ATP9A: variants seen among roughly 807,000 people sequenced by gnomAD.
ATP9A encodes probable phospholipid-transporting ATPase IIA.
ATP9A carries 52 observed loss-of-function variants against 144.1 expected under a neutral mutation model. That is an observed-to-expected ratio of 0.36 (90% CI 0.29 to 0.45). The LOEUF is 0.45. Among genes scored for constraint, ATP9A ranks in the 20% least tolerant of loss-of-function variants. The pLI is 1.00. For synonymous variants in ATP9A, 582 were observed against 557.4 expected (o/e 1.04, Z -0.62); for missense variants, 947 against 1,392.7 (o/e 0.68, Z 5.09).
intron 14 of ATP9A, among the ~76,000 whole-genome samples, chr20:51,650,352 G>A (rs1418401209): frequency 6.6e-6 from 1 of 152,034 alleles, no homozygotes; most frequent in Non-Finnish European, 1.5e-5. Flanking sequence ...TGGCCAATAT[G>A]GTGAAACCCC....
intron 25 of ATP9A, among the ~76,000 whole-genome samples, chr20:51,607,917 G>A (rs572294661): frequency 7.2e-5 from 11 of 151,826 alleles, no homozygotes; most frequent in South Asian, 4.2e-4. Context: ...GGTGGTGCAC[G>A]CCTGTAATCC....
At chr20:51,726,890 T>C (rs1242198699) in intron 2 of ATP9A, among the ~76,000 whole-genome samples, 3 of 19,770 alleles carry the variant, frequency 1.5e-4, no homozygotes, top group African/African-American at 8.7e-4. Flanking sequence ...GTGTTATTTC[T>C]TTTTTTTTTT....
Position 51,694,104 on chromosome 20 carries a change from T to C in ATP9A, c.548-2A>G. 1 of 1,613,810 alleles carries C rather than the reference T, an allele frequency of 6.2e-7. No individual in the cohort carries two copies. Among genetic ancestry groups the C allele is most frequent in the South Asian group, 1.1e-5 (1 of 91,054 alleles). ...GATCCGTCCGCAAGAAGCATGACCC[T>C]GTGGAAGGAAGTCGGGTGCCGTCAC... On this transcript the variant is annotated splice_acceptor_variant, in intron 6 of 27. Coordinates refer to ENST00000338821, the MANE Select transcript of ATP9A (RefSeq NM_006045.3). LOFTEE classifies it high-confidence loss of function.
chr20:51,722,746 G>C (rs2077695074), intron 3 of ATP9A, among the ~76,000 whole-genome samples: 1 of 152,192 alleles, frequency 6.6e-6, no homozygotes, highest in Admixed American at 6.5e-5. Flanking sequence ...CTGCTGGTGG[G>C]AATGTAAATA....
chr20:51,644,993 C>T (rs568932403), intron 14 of ATP9A, among the ~76,000 whole-genome samples: 2 of 152,290 alleles, frequency 1.3e-5, no homozygotes, highest in African/African-American at 4.8e-5. Context: ...AATCGGCCAG[C>T]CCAGCATGCC....
intron 15 of ATP9A, among the ~76,000 whole-genome samples, chr20:51,634,602 T>G (rs954993491): frequency 6.6e-6 from 1 of 152,048 alleles, no homozygotes; most frequent in Non-Finnish European, 1.5e-5. Flanking sequence ...CACTTCTGTA[T>G]CCCAGCACTT....
At chr20:51,712,866 A>AT (rs2077645637) in intron 4 of ATP9A, 100 bp downstream of exon 4, 1 of 1,052,128 alleles carries the variant, frequency 9.5e-7, no homozygotes, top group Admixed American at 2.0e-5. Flanking sequence ...GCCACGTGGC[A>AT]TTCCCACACC....
intron 1 of ATP9A, among the ~76,000 whole-genome samples, chr20:51,758,143 AG>A (rs1416733044): frequency 1.3e-5 from 2 of 152,320 alleles, no homozygotes; most frequent in East Asian, 3.9e-4. Context: ...GACACAAGAA[AG>A]CAAGTATCAT....
chr20:51,676,146 T>G lies in ATP9A; in HGVS notation c.862A>C (p.Asn288His), dbSNP rs754807307. Residue 288 changes from asparagine to histidine, a missense_variant, in exon 10 of 28, where the codon AAT becomes CAT. Around this residue, in one of 2 missense-constraint regions of ATP9A, gnomAD observed 770 missense variants for 1,047.9 expected, o/e 0.73. Coordinates refer to ENST00000338821, the MANE Select transcript of ATP9A (RefSeq NM_006045.3). ...CTCGTACACACCTTACTTCGGGGAT[T>G]TGAGGTATTCATGACACTCCGGAGT... is the stretch of plus-strand genomic sequence containing the variant. ...RELRSVMNTSNPRSKIGLFDL... is the reference protein window; with the variant it reads ...RELRSVMNTSHPRSKIGLFDL... 1 of 1,613,218 alleles carries G rather than the reference T, an allele frequency of 6.2e-7. No individual in the cohort carries two copies.
intron 23 of ATP9A, 94 bp from the exon 24 acceptor site, chr20:51,610,259 C>A (rs990376656): frequency 1.0e-6 from 1 of 994,600 alleles, no homozygotes; most frequent in Admixed American, 2.1e-5. Context: ...TACATAACAC[C>A]CGCGCCGGCA....
chr20:51,645,633 C>T (rs184817895), intron 14 of ATP9A, among the ~76,000 whole-genome samples: 1 of 152,312 alleles, frequency 6.6e-6, no homozygotes, highest in African/African-American at 2.4e-5. Context: ...CCCTTCCACT[C>T]TCCTCCATTT....
In ATP9A at chr20:51,613,762, A is replaced by G. The variant is rs1263974028; in HGVS notation, c.2486T>C (p.Met829Thr). Residue 829 changes from methionine (M) to threonine (T), a missense_variant, in exon 23 of 28, where the codon ATG becomes ACG. Coordinates refer to ENST00000338821, the MANE Select transcript of ATP9A (RefSeq NM_006045.3). ...TQFKHLGRLL[M>T]VHGRNSYKRS... ...CTTGTAGCTGTTCCGGCCATGCACC[A>G]TAAGCAACCGGCCAAGATGCTTAAA... 6.2e-6 allele frequency: 10 copies of G among 1,614,184 alleles called. No individual in the cohort carries two copies. Among genetic ancestry groups the G allele is most frequent in the Non-Finnish European group, 7.6e-6 (9 of 1,180,034 alleles).
chr20:51,754,470 T>C (rs1308279937), intron 1 of ATP9A, among the ~76,000 whole-genome samples: 3 of 151,528 alleles, frequency 2.0e-5, no homozygotes, highest in Non-Finnish European at 4.4e-5. Flanking sequence ...GCCATTGCAC[T>C]CTGGCATGGG....
At chr20:51,642,459 G>C (rs1332422140) in intron 14 of ATP9A, among the ~76,000 whole-genome samples, 2 of 151,986 alleles carry the variant, frequency 1.3e-5, no homozygotes, top group Non-Finnish European at 2.9e-5. Context: ...GCACCGGCCA[G>C]CATCTGTTTT....
chr20:51,601,099 ATG>A lies in ATP9A; in HGVS notation c.*110_*111del, dbSNP rs1323329668. On this transcript the variant is annotated 3_prime_UTR_variant, in exon 28 of 28. Coordinates refer to ENST00000338821, the MANE Select transcript of ATP9A (RefSeq NM_006045.3). ...CAGAGCCACTTCCCATTAAAACTGCATGTGTTAGCAATTACTGCAAAATCCAC... is the reference window on the plus strand; with the variant it reads ...CAGAGCCACTTCCCATTAAAACTGCATGTTAGCAATTACTGCAAAATCCAC... 8 of 1,322,550 alleles carry A rather than the reference ATG, an allele frequency of 6.0e-6. No individual in the cohort carries two copies. Among genetic ancestry groups the A allele is most frequent in the Non-Finnish European group, 6.1e-6 (6 of 978,498 alleles). The allele number at this position is 1,322,550 out of a possible 1,614,324, so 81.9% of individuals were successfully genotyped here. A position where few individuals can be genotyped will look rare whatever the true frequency, so the allele number is the denominator to read the frequency against.
chr20:51,601,072 C>T lies in ATP9A; in HGVS notation c.*139G>A, dbSNP rs1197409482. 1.2e-5 allele frequency: 13 copies of T among 1,103,206 alleles called. No homozygotes were observed. Among genetic ancestry groups the T allele is most frequent in the Middle Eastern group, 3.1e-4 (1 of 3,208 alleles). The allele number at this position is 1,103,206 out of a possible 1,614,324, so 68.3% of individuals were successfully genotyped here. ...ATGCAGCGTTAGGACTCCGTTTAGG[C>T]GCAGAGCCACTTCCCATTAAAACTG... is the stretch of plus-strand genomic sequence containing the variant. On this transcript the variant is annotated 3_prime_UTR_variant, in exon 28 of 28. Transcript: ENST00000338821.
chr20:51,608,784 A>G (rs1285108014), intron 24 of ATP9A, among the ~76,000 whole-genome samples, 158 bp from the exon 25 acceptor site: 4 of 152,222 alleles, frequency 2.6e-5, no homozygotes, highest in Non-Finnish European at 5.9e-5. Context: ...GAAACCCATG[A>G]GCAAAAATGG....
intron 1 of ATP9A, among the ~76,000 whole-genome samples, chr20:51,739,582 C>T (rs1391471073): frequency 1.3e-5 from 2 of 151,892 alleles, no homozygotes; most frequent in Non-Finnish European, 2.9e-5. Context: ...TCTCGATCTC[C>T]TGACCTCACC....
intron 9 of ATP9A, among the ~76,000 whole-genome samples, chr20:51,678,028 A>G (rs2077484258): frequency 6.6e-6 from 1 of 151,488 alleles, no homozygotes; most frequent in Non-Finnish European, 1.5e-5. Context: ...AGCAGGAAAG[A>G]TAGACAGTAA....
Sources: gnomAD v4.1 joint callset for allele counts (sites outside exome capture counted in the v4.1 genomes callset) on GRCh38, gnomAD v4.1.1 for gene constraint, gnomAD v4.1.1 regional missense constraint, MANE v1.5 for transcripts, NCBI Gene and HGNC (gene_info 2026-07-23, HGNC 2026-07-21) for gene names.